RIT2: variants seen among roughly 807,000 people sequenced by gnomAD.
RIT2 encodes GTP-binding protein Rit2.
A neutral mutation model predicts 23.7 loss-of-function variants in RIT2; 24 were observed. The ratio of observed to expected loss-of-function variants is 1.01; its 90% CI spans 0.73 to 1.43. RIT2 has a LOEUF of 1.43. Ranked by LOEUF, RIT2 falls within the 40% of genes most tolerant of loss-of-function variation. The probability of loss-of-function intolerance (pLI) is 0.00; values close to 1 mark genes in which losing one functional copy is unlikely to be tolerated. For synonymous variants in RIT2, 107 were observed against 91.1 expected (o/e 1.17, Z -0.99); for missense variants, 236 against 266.9 (o/e 0.88, Z 0.81).
At chr18:42,922,653 C>T (rs151169682) in intron 4 of RIT2, among the ~76,000 whole-genome samples, 153 of 152,158 alleles carry the variant, frequency 1.0e-3, no homozygotes, top group Admixed American at 1.9e-3. Context: ...CATCATAGTT[C>T]GGCCATCTGT....
At chr18:42,769,305 T>C (rs986143234) in intron 4 of RIT2, among the ~76,000 whole-genome samples, 1 of 152,198 alleles carries the variant, frequency 6.6e-6, no homozygotes. Context: ...TCTACATTGG[T>C]ATTCTGTAAA....
intron 1 of RIT2, among the ~76,000 whole-genome samples, chr18:43,073,573 A>T (rs1912945247): frequency 6.6e-6 from 1 of 152,216 alleles, no homozygotes; most frequent in Admixed American, 6.5e-5. Context: ...ACCCTGCCTG[A>T]TTATCTAAGC....
intron 3 of RIT2, among the ~76,000 whole-genome samples, chr18:42,931,858 T>C (rs997677984): frequency 6.6e-6 from 1 of 152,138 alleles, no homozygotes; most frequent in African/African-American, 2.4e-5. Context: ...CATGACAAAG[T>C]TGCAGTTGCT....
chr18:43,059,547 A>G (rs1450236387), intron 1 of RIT2, among the ~76,000 whole-genome samples: 1 of 152,162 alleles, frequency 6.6e-6, no homozygotes, highest in African/African-American at 2.4e-5. Context: ...GAGTTCACTT[A>G]TCTCTCCATC....
At chr18:43,012,024 A>G (rs1911362167) in intron 2 of RIT2, among the ~76,000 whole-genome samples, 2 of 151,750 alleles carry the variant, frequency 1.3e-5, no homozygotes, top group South Asian at 4.1e-4. Flanking sequence ...GAAACTGTCT[A>G]TTTTTCCCAT....
intron 2 of RIT2, among the ~76,000 whole-genome samples, chr18:43,010,194 T>C (rs968363868): frequency 5.3e-5 from 8 of 151,822 alleles, no homozygotes; most frequent in African/African-American, 1.7e-4. Context: ...CCTCAGCCTC[T>C]GAAGAAAACA....
At chr18:42,821,507 A>G (rs1372990387) in intron 4 of RIT2, among the ~76,000 whole-genome samples, 1 of 152,240 alleles carries the variant, frequency 6.6e-6, no homozygotes, top group Non-Finnish European at 1.5e-5. Flanking sequence ...TTGGCAATCA[A>G]TATCTGGAGA....
At chr18:42,770,852 G>A (rs997426555) in intron 4 of RIT2, among the ~76,000 whole-genome samples, 39 of 151,250 alleles carry the variant, frequency 2.6e-4, no homozygotes, top group Middle Eastern at 6.9e-3. Context: ...GGGAAAAAAA[G>A]GAAAGGACTC....
intron 4 of RIT2, among the ~76,000 whole-genome samples, chr18:42,810,791 T>C (rs576241016): frequency 6.6e-6 from 1 of 152,170 alleles, no homozygotes; most frequent in South Asian, 2.1e-4. Flanking sequence ...AATTCCAATA[T>C]GAAGCCCATA....
At chr18:42,746,905 CTG>C (rs1912930318) in intron 4 of RIT2, among the ~76,000 whole-genome samples, 1 of 152,006 alleles carries the variant, frequency 6.6e-6, no homozygotes, top group Non-Finnish European at 1.5e-5. Flanking sequence ...ACCTGCCTTA[CTG>C]TAATAAAAGC....
intron 4 of RIT2, chr18:42,923,239 G>C (rs1388144467): frequency 5.2e-6 from 1 of 193,260 alleles, no homozygotes; most frequent in Non-Finnish European, 1.1e-5. Flanking sequence ...TGAACTCAAG[G>C]GTAAGCAGTT....
chr18:42,897,971 C>T (rs578143694), intron 4 of RIT2, among the ~76,000 whole-genome samples: 2 of 152,096 alleles, frequency 1.3e-5, no homozygotes, highest in Non-Finnish European at 2.9e-5. Context: ...AGCTTGTAAT[C>T]GTGGGCAAAA....
chr18:42,756,380 A>T (rs1316830229), intron 4 of RIT2, among the ~76,000 whole-genome samples: 1 of 152,092 alleles, frequency 6.6e-6, no homozygotes, highest in Non-Finnish European at 1.5e-5. Context: ...AGGGTTTTAG[A>T]CTGCTTTGTA....
At chr18:43,101,334 C>T (rs8096041) in intron 1 of RIT2, among the ~76,000 whole-genome samples, 1 of 151,952 alleles carries the variant, frequency 6.6e-6, no homozygotes, top group East Asian at 1.9e-4. Context: ...CCTATCTCTT[C>T]GTTAGCAGTG....
intron 1 of RIT2, among the ~76,000 whole-genome samples, chr18:43,065,170 G>A (rs1490613139): frequency 6.7e-6 from 1 of 149,638 alleles, no homozygotes; most frequent in South Asian, 2.1e-4. Context: ...AGGTTTTACT[G>A]GATTTCCACA....
At chr18:43,015,351 G>GAACA (rs1255207077) in intron 2 of RIT2, among the ~76,000 whole-genome samples, 1 of 151,576 alleles carries the variant, frequency 6.6e-6, no homozygotes, top group Non-Finnish European at 1.5e-5. Context: ...CTGACTCAGG[G>GAACA]AACACCACAA....
intron 4 of RIT2, among the ~76,000 whole-genome samples, chr18:42,921,730 C>G (rs1483950934): frequency 6.6e-6 from 1 of 152,000 alleles, no homozygotes; most frequent in Non-Finnish European, 1.5e-5. Flanking sequence ...TAACTGAAAC[C>G]CTGTCAGAGG....
At chr18:42,749,572 C>T (rs1330660040) in intron 4 of RIT2, among the ~76,000 whole-genome samples, 1 of 151,544 alleles carries the variant, frequency 6.6e-6, no homozygotes, top group Non-Finnish European at 1.5e-5. Flanking sequence ...CCAGGAAAGA[C>T]AGATTAAGGG....
chr18:42,902,428 G>A (rs1359144284), intron 4 of RIT2, among the ~76,000 whole-genome samples: 1 of 151,666 alleles, frequency 6.6e-6, no homozygotes, highest in Admixed American at 6.6e-5. Flanking sequence ...GTCCCATAGG[G>A]AGCTTCAAAG....
Sources: gnomAD v4.1 joint callset for allele counts (sites outside exome capture counted in the v4.1 genomes callset) on GRCh38, gnomAD v4.1.1 for gene constraint, MANE v1.5 for transcripts, NCBI Gene and HGNC (gene_info 2026-07-23, HGNC 2026-07-21) for gene names.